Variants in USP32 observed in about 807,000 individuals in gnomAD.
USP32 encodes ubiquitin specific peptidase 32.
A neutral mutation model predicts 204.8 loss-of-function variants in USP32; 59 were observed. The observed-to-expected ratio is 0.29, with a 90% CI of 0.23 to 0.36. The LOEUF is 0.36. Among genes scored for constraint, USP32 ranks in the 10% least tolerant of loss-of-function variants. The probability of loss-of-function intolerance (pLI) is 1.00; values close to 1 mark genes in which losing one functional copy is unlikely to be tolerated. For missense variants in USP32, 1,160 were observed against 1,946.4 expected (o/e 0.60, Z 7.60); for synonymous variants, 517 against 678.4 (o/e 0.76, Z 3.70).
chr17:60,350,368 A>G (rs1175751182), intron 1 of USP32, among the ~76,000 whole-genome samples: 1 of 152,148 alleles, frequency 6.6e-6, no homozygotes, highest in Non-Finnish European at 1.5e-5. Flanking sequence ...GGCTCACTGC[A>G]ACCTCCACCT....
chr17:60,201,873 G>C (rs946985455), intron 26 of USP32, among the ~76,000 whole-genome samples: 1 of 152,076 alleles, frequency 6.6e-6, no homozygotes, highest in Non-Finnish European at 1.5e-5. Flanking sequence ...TGGCCAGGCT[G>C]GTCTTGAACT....
chr17:60,368,526 G>A (rs1245254907), intron 1 of USP32, among the ~76,000 whole-genome samples: 1 of 152,022 alleles, frequency 6.6e-6, no homozygotes, highest in Non-Finnish European at 1.5e-5. Context: ...TTGCGGTTGG[G>A]GGGCGGGGGA....
rs144788971 is a variant in USP32, at chr17:60,216,481, T to C, written c.1868-1707A>G. 7.2e-3 allele frequency among the ~76,000 whole-genome samples: 1,100 copies of C among 152,298 alleles called. 12 individuals are homozygous for C. The highest frequency in any genetic ancestry group is 0.025 in the African/African-American group (1,056 of 41,544). Reference sequence around the variant, plus strand: ...ACCCATTCAATCATGAGTTAGCTTCTTTCTTCCTGAAAAATGCTTTTAATG... The same window carrying C: ...ACCCATTCAATCATGAGTTAGCTTCCTTCTTCCTGAAAAATGCTTTTAATG... On this transcript the variant is annotated intron_variant, in intron 16 of 33. Coordinates refer to ENST00000300896, the MANE Select transcript of USP32 (RefSeq NM_032582.4).
chr17:60,181,247 T>C (rs1332412994), intron 32 of USP32, 77 bp downstream of exon 32: 3 of 1,511,954 alleles, frequency 2.0e-6, no homozygotes, highest in African/African-American at 2.8e-5. Flanking sequence ...CTGAAAAAAA[T>C]ACTTGCTGAT....
chr17:60,410,473 C>CT (rs2090009299), intron 1 of USP32, among the ~76,000 whole-genome samples: 1 of 151,950 alleles, frequency 6.6e-6, no homozygotes, highest in Non-Finnish European at 1.5e-5. Context: ...TTGAGACCAT[C>CT]TTGGCTAACA....
intron 2 of USP32, among the ~76,000 whole-genome samples, chr17:60,308,644 T>A (rs1436812076): frequency 6.6e-6 from 1 of 152,120 alleles, no homozygotes; most frequent in Admixed American, 6.5e-5. Flanking sequence ...AAAATAAAAC[T>A]AGGCTGGATG....
intron 1 of USP32, among the ~76,000 whole-genome samples, chr17:60,389,729 C>A (rs1448999826): frequency 6.6e-6 from 1 of 151,806 alleles, no homozygotes; most frequent in Admixed American, 6.6e-5. Flanking sequence ...AACATAAATT[C>A]ATGCCGGCCG....
At chr17:60,420,975 A>G (rs139767693) in intron 1 of USP32, among the ~76,000 whole-genome samples, 8 of 152,280 alleles carry the variant, frequency 5.3e-5, no homozygotes, top group African/African-American at 1.7e-4. Context: ...AATTGTCACT[A>G]TTGTAACAGT....
chr17:60,317,408 CG>C lies in USP32; in HGVS notation c.187-15705del, dbSNP rs1159164952. 4.0e-5 allele frequency among the ~76,000 whole-genome samples: 6 copies of C among 149,960 alleles called. 2 individuals are homozygous for C. In the East Asian group the frequency reaches 1.2e-3, roughly 30 times the overall value. Reference sequence around the variant, plus strand: ...ATGCATGCCTGTAGTACCAGCGACTCGGGAGGCTGAGCTGGGAGGATTACTT... The same window carrying C: ...ATGCATGCCTGTAGTACCAGCGACTCGGAGGCTGAGCTGGGAGGATTACTT... On this transcript the variant is annotated intron_variant, in intron 2 of 33. Coordinates refer to ENST00000300896, the MANE Select transcript of USP32 (RefSeq NM_032582.4).
At chr17:60,264,692 A>G (rs1207905509) in intron 9 of USP32, among the ~76,000 whole-genome samples, 1 of 150,966 alleles carries the variant, frequency 6.6e-6, no homozygotes, top group Non-Finnish European at 1.5e-5. Flanking sequence ...CCCCATCTCT[A>G]CTCTAAAAAT....
upstream of USP32, chr17:60,392,515 TCGGCGGGTGGGGTC>T: frequency 3.2e-6 from 1 of 313,852 alleles, no homozygotes; most frequent in South Asian, 2.1e-5. Flanking sequence ...GTTCTGGCGT[TCGGCGGGTGGGGTC>T]CGAGCAGCTG....
chr17:60,381,881 C>T (rs2089652712), intron 1 of USP32, among the ~76,000 whole-genome samples: 2 of 152,198 alleles, frequency 1.3e-5, no homozygotes, highest in African/African-American at 4.8e-5. Context: ...CTCTCCCAGT[C>T]GATACCGACC....
At chr17:60,381,440 CA>C (rs397784557) in intron 1 of USP32, among the ~76,000 whole-genome samples, 804 of 99,080 alleles carry the variant, frequency 8.1e-3, no homozygotes, top group South Asian at 0.031. Context: ...GACCCTGTCT[CA>C]AAAAAAAAAA....
intron 1 of USP32, among the ~76,000 whole-genome samples, chr17:60,378,010 A>T (rs111906586): frequency 6.6e-6 from 1 of 152,224 alleles, no homozygotes; most frequent in East Asian, 1.9e-4. Flanking sequence ...ACCCACAGAA[A>T]TATTTGGGAG....
chr17:60,236,576 G>C (rs1005244546), intron 11 of USP32, among the ~76,000 whole-genome samples: 11 of 152,092 alleles, frequency 7.2e-5, no homozygotes, highest in Non-Finnish European at 1.5e-4. Context: ...CTTCAAAACA[G>C]CCTTATTGAG....
At chr17:60,197,204 C>T (rs550361312) in intron 27 of USP32, among the ~76,000 whole-genome samples, 1 of 152,068 alleles carries the variant, frequency 6.6e-6, no homozygotes, top group South Asian at 2.1e-4. Flanking sequence ...TGTATTTATC[C>T]TAAGCCCTAC....
At chr17:60,253,105 T>C (rs553352293) in intron 10 of USP32, among the ~76,000 whole-genome samples, 95 of 130,500 alleles carry the variant, frequency 7.3e-4, no homozygotes, top group African/African-American at 4.2e-3. Flanking sequence ...TATATGTTTA[T>C]TCATTATCAC....
intron 2 of USP32, among the ~76,000 whole-genome samples, chr17:60,340,337 A>C (rs969626811): frequency 7.4e-6 from 1 of 134,836 alleles, no homozygotes; most frequent in Non-Finnish European, 1.5e-5. Flanking sequence ...ACACTTTGGG[A>C]GGCCAAGGTG....
At chr17:60,236,278 T>A in intron 11 of USP32, 38 bp from the exon 12 acceptor site, 2 of 1,546,116 alleles carry the variant, frequency 1.3e-6, no homozygotes, top group Non-Finnish European at 8.9e-7. Flanking sequence ...TCAAACAAAG[T>A]GTGAAATAGG....
Sources: allele counts gnomAD v4.1 joint callset (sites outside exome capture counted in the v4.1 genomes callset), GRCh38; gene constraint gnomAD v4.1.1; transcripts MANE v1.5; gene names NCBI Gene and HGNC (gene_info 2026-07-23, HGNC 2026-07-21).